EPB41L4A: variants seen among roughly 807,000 people sequenced by gnomAD.
EPB41L4A encodes the protein erythrocyte membrane protein band 4.1 like 4A.
A neutral mutation model predicts 108.6 loss-of-function variants in EPB41L4A; 100 were observed. The observed-to-expected ratio is 0.92, with a 90% CI of 0.78 to 1.09. EPB41L4A has a LOEUF of 1.09. Among genes scored for constraint, EPB41L4A ranks in the 50% least tolerant of loss-of-function variants. The pLI, the probability that EPB41L4A is intolerant of heterozygous loss-of-function variation, is 0.00. For missense variants in EPB41L4A, 1,030 were observed against 842.7 expected, an observed-to-expected ratio of 1.22 and a Z score of -2.75; for synonymous variants, 319 against 289.0, an observed-to-expected ratio of 1.10 and a Z score of -1.05.
chr5:112,343,901 A>T lies in EPB41L4A; in HGVS notation c.100-36411T>A, dbSNP rs115679846. ...GAAACAACATGGAATGTTAAAATTG[A>T]CTGGATAAGCCAGGTATGGCGGAAT... On this transcript the variant is annotated intron_variant, in intron 1 of 22. Transcript: ENST00000261486. Among the ~76,000 whole-genome samples the T allele has an allele frequency of 9.3e-3, 1,423 of 152,334 alleles. 27 individuals are homozygous for T. Among genetic ancestry groups the T allele is most frequent in the African/African-American group, 0.033 (1,360 of 41,560 alleles).
intron 3 of EPB41L4A, 112 bp from the exon 4 acceptor site, chr5:112,275,516 A>C: frequency 8.0e-7 from 1 of 1,246,968 alleles, no homozygotes; most frequent in South Asian, 1.6e-5. Context: ...TAAAGAAACA[A>C]GAAAACATAA....
intron 18 of EPB41L4A, among the ~76,000 whole-genome samples, chr5:112,182,632 G>A (rs1272730040): frequency 6.6e-6 from 1 of 152,144 alleles, no homozygotes; most frequent in Non-Finnish European, 1.5e-5. Context: ...GCCAAACCTT[G>A]TGTATAACAA....
chr5:112,366,435 G>C (rs1007268329), intron 1 of EPB41L4A, among the ~76,000 whole-genome samples: 2 of 152,050 alleles, frequency 1.3e-5, no homozygotes, highest in African/African-American at 2.4e-5. Context: ...ACAAGAGATG[G>C]TGGAGTACCC....
chr5:112,368,195 G>C (rs1759258869), intron 1 of EPB41L4A, among the ~76,000 whole-genome samples: 1 of 152,146 alleles, frequency 6.6e-6, no homozygotes, highest in African/African-American at 2.4e-5. Context: ...AGTAACACTT[G>C]AAAACAGATT....
At chr5:112,175,653 T>G (rs1036528015) in intron 18 of EPB41L4A, 4 of 151,836 alleles carry the variant, frequency 2.6e-5, no homozygotes, top group African/African-American at 9.7e-5. Context: ...CAAATATACA[T>G]AAATATTTTT....
In EPB41L4A at chr5:112,234,712, G is replaced by A. The variant is rs1749204511; in HGVS notation, c.1009C>T (p.Leu337Phe). Reference protein sequence around the residue: ...LQMSRDLSIQLPRPDQNVTRS... With the variant: ...LQMSRDLSIQFPRPDQNVTRS... ...GTCACATTCTGATCAGGCCGGGGAA[G>A]CTGAATAGAAAGATCTCGGCTCATT... The change falls in exon 12 of 23, where the codon CTT becomes TTT. Residue 337 changes from leucine to phenylalanine, a missense_variant. Physicochemically the swap from Leu to Phe is conservative, Grantham distance 22. Coordinates refer to ENST00000261486, the MANE Select transcript of EPB41L4A (RefSeq NM_022140.5). 1.2e-6 allele frequency: 2 copies of A among 1,612,982 alleles called. No individual in the cohort carries two copies. The highest frequency in any genetic ancestry group is 1.6e-4 in the Middle Eastern group (1 of 6,076).
In EPB41L4A at chr5:112,406,250, A is replaced by G. The variant is rs532730784; in HGVS notation, c.99+12691T>C. Among the ~76,000 whole-genome samples, 4 of 152,320 alleles carry G rather than the reference A, an allele frequency of 2.6e-5. No individual in the cohort carries two copies. In the South Asian group the frequency reaches 8.3e-4, roughly 32 times the overall value. ...TTGGTCCATCTGAAACCTTTCAACG[A>G]AAGAGCAATTTTACCTTTCTGCTTT... On this transcript the variant is annotated intron_variant, in intron 1 of 22. Coordinates refer to ENST00000261486, the MANE Select transcript of EPB41L4A (RefSeq NM_022140.5).
chr5:112,255,853 A>T lies in EPB41L4A; in HGVS notation c.795+3376T>A, dbSNP rs79437998. 5.8e-3 allele frequency among the ~76,000 whole-genome samples: 879 copies of T among 152,172 alleles called. 3 individuals carry two copies. The highest frequency in any genetic ancestry group is 0.01 in the Middle Eastern group (3 of 294). On this transcript the variant is annotated intron_variant, in intron 9 of 22. Transcript: ENST00000261486. The stretch of plus-strand genomic sequence containing the variant: ...ATGTCTAAAGGACATCTCAAATTCA[A>T]CATGTTCAAAACGGGACTCCTGATC...
chr5:112,226,268 A>G (rs550701884), intron 12 of EPB41L4A, among the ~76,000 whole-genome samples: 3 of 152,330 alleles, frequency 2.0e-5, no homozygotes, highest in Admixed American at 2.0e-4. Context: ...CGCTGATATT[A>G]TAGAAGTGAC....
chr5:112,215,323 A>T (rs1336443251), intron 12 of EPB41L4A, among the ~76,000 whole-genome samples: 1 of 152,250 alleles, frequency 6.6e-6, no homozygotes, highest in Non-Finnish European at 1.5e-5. Context: ...GGTGATCTGC[A>T]ATCAAGATCA....
chr5:112,339,532 A>ATATATAGAT (rs1757166833), intron 1 of EPB41L4A, among the ~76,000 whole-genome samples: 1 of 17,748 alleles, frequency 5.6e-5, no homozygotes, highest in East Asian at 3.1e-3. Context: ...ATATATCTAT[A>ATATATAGAT]TATATATATA....
intron 17 of EPB41L4A, among the ~76,000 whole-genome samples, chr5:112,193,270 T>A (rs560954256): frequency 2.0e-5 from 3 of 152,312 alleles, no homozygotes; most frequent in Admixed American, 6.5e-5. Context: ...GATTATCCAA[T>A]CCAACTTCCT....
At chr5:112,399,293 T>C (rs558839448) in intron 1 of EPB41L4A, among the ~76,000 whole-genome samples, 3 of 152,176 alleles carry the variant, frequency 2.0e-5, no homozygotes, top group East Asian at 1.9e-4. Flanking sequence ...AAACATCCCA[T>C]TCTCAGGAAG....
At chr5:112,289,368 G>A (rs141855985) in intron 2 of EPB41L4A, among the ~76,000 whole-genome samples, 41 of 152,220 alleles carry the variant, frequency 2.7e-4, no homozygotes, top group African/African-American at 8.9e-4. Flanking sequence ...AGCAAACCAG[G>A]AATCCAGGAG....
At chr5:112,215,384 C>T (rs1213209451) in intron 12 of EPB41L4A, among the ~76,000 whole-genome samples, 1 of 152,142 alleles carries the variant, frequency 6.6e-6, no homozygotes, top group Non-Finnish European at 1.5e-5. Flanking sequence ...TATTTTACTT[C>T]AAGTAAAAAT....
intron 2 of EPB41L4A, among the ~76,000 whole-genome samples, chr5:112,293,079 C>A (rs1207821378): frequency 6.6e-6 from 1 of 152,016 alleles, no homozygotes; most frequent in Non-Finnish European, 1.5e-5. Flanking sequence ...GTTGTATATA[C>A]AAAAATATAA....
Position 112,204,390 on chromosome 5 carries a change from T to C in EPB41L4A, c.1361A>G (p.Gln454Arg), listed in dbSNP as rs576872679. 7 of 1,612,494 alleles carry C rather than the reference T, an allele frequency of 4.3e-6. No homozygotes were observed. Among genetic ancestry groups the C allele is most frequent in the Non-Finnish European group, 5.9e-6 (7 of 1,178,744 alleles). Residue 454 changes from glutamine to arginine, a missense_variant, in exon 15 of 23, where the codon CAG becomes CGG. By Grantham distance (43) the Gln-to-Arg change is conservative. Coordinates refer to ENST00000261486, the MANE Select transcript of EPB41L4A (RefSeq NM_022140.5). ...TTCCGCTTACCTCCTCCTCACAGGC[T>C]GTACAGAATCATTGTCACTTCCACA... ...PSCGSDNDSV[Q>R]PVRRRKAHNS...
At chr5:112,315,402 G>A (rs573951725) in intron 1 of EPB41L4A, among the ~76,000 whole-genome samples, 1 of 152,208 alleles carries the variant, frequency 6.6e-6, no homozygotes, top group Non-Finnish European at 1.5e-5. Flanking sequence ...CTCAGTAAGA[G>A]CTGCCTAAAA....
At chr5:112,236,269 T>C (rs1055887966) in intron 11 of EPB41L4A, among the ~76,000 whole-genome samples, 1 of 152,196 alleles carries the variant, frequency 6.6e-6, no homozygotes, top group Admixed American at 6.5e-5. Context: ...CCATAGGCTA[T>C]ACAGGACCCA....
Sources: allele counts gnomAD v4.1 joint callset (sites outside exome capture counted in the v4.1 genomes callset), GRCh38; gene constraint gnomAD v4.1.1; transcripts MANE v1.5; gene names NCBI Gene and HGNC (gene_info 2026-07-23, HGNC 2026-07-21).